Variants in ZNF331 observed in about 807,000 individuals in gnomAD.
ZNF331 encodes the protein C2H2-like zinc finger protein rearranged in thyroid adenomas.
In ZNF331, 2 loss-of-function variants were observed where a neutral mutation model predicts 7.0. The ratio of observed to expected loss-of-function variants is 0.29; its 90% confidence interval spans 0.12 to 0.90. ZNF331 has a LOEUF of 0.90. Among genes scored for constraint, ZNF331 ranks in the 40% least tolerant of loss-of-function variants. The probability of loss-of-function intolerance (pLI) is 0.58; values close to 1 mark genes in which losing one functional copy is unlikely to be tolerated. For missense variants in ZNF331, 432 were observed against 587.7 expected (o/e 0.74, Z 2.74); for synonymous variants, 196 against 205.4 (o/e 0.95, Z 0.39).
rs889027812 is a variant in ZNF331, at chr19:53,558,996, A to G, written c.-74+3088A>G. ...ACACACATATACACACACATACCCC[A>G]TATATACACACATATACATACCTAC... On this transcript the variant is annotated intron_variant, in intron 3 of 5. Coordinates refer to ENST00000449416, the MANE Select transcript of ZNF331 (RefSeq NM_001079906.2). The surrounding 1 kb of genome is among the most constrained non-coding windows in gnomAD (Gnocchi z 4.5). Among the ~76,000 whole-genome samples, 3 of 151,428 alleles carry G rather than the reference A, an allele frequency of 2.0e-5. No homozygotes were observed. Among genetic ancestry groups the G allele is most frequent in the Non-Finnish European group, 4.4e-5 (3 of 67,776 alleles).
chr19:53,558,196 A>G lies in ZNF331; in HGVS notation c.-74+2288A>G, dbSNP rs891346287. On this transcript the variant is annotated intron_variant, in intron 3 of 5. Transcript: ENST00000449416. This position sits in a 1 kb window ranked among gnomAD's most constrained non-coding sequence, Gnocchi z 4.5. ...GTTCTTATACTCTTTGGCTTCTATT[A>G]GTGTATTTGATTGACTCAGAATTCA... Among the ~76,000 whole-genome samples, 8 of 152,136 alleles carry G rather than the reference A, an allele frequency of 5.3e-5. No homozygotes were observed. The highest frequency in any genetic ancestry group is 1.0e-4 in the Non-Finnish European group (7 of 68,020).
intron 1 of ZNF331, chr19:53,522,481 C>G (rs2087124446): frequency 6.6e-6 from 1 of 152,032 alleles, no homozygotes; most frequent in Admixed American, 6.6e-5. Context: ...ATGATCCGCC[C>G]CCGTCGGCTT....
intron 3 of ZNF331, among the ~76,000 whole-genome samples, chr19:53,568,444 A>G (rs920277990): frequency 6.6e-6 from 1 of 152,160 alleles, no homozygotes; most frequent in Non-Finnish European, 1.5e-5. Flanking sequence ...GCATGTAGAC[A>G]TGATTGACTG....
At chr19:53,547,764 C>G (rs997662310) in intron 2 of ZNF331, among the ~76,000 whole-genome samples, 1 of 151,894 alleles carries the variant, frequency 6.6e-6, no homozygotes, top group Non-Finnish European at 1.5e-5. Flanking sequence ...TTTTTGTTGC[C>G]CTGAATAATA....
the ZNF331 span, among the ~76,000 whole-genome samples, chr19:53,507,722 G>C: frequency 2.6e-5 from 4 of 152,156 alleles, no homozygotes; most frequent in African/African-American, 9.7e-5. Flanking sequence ...CTTGGGGCCA[G>C]GTGTGGGGGC....
intron 2 of ZNF331, among the ~76,000 whole-genome samples, chr19:53,554,274 C>T (rs1393831236): frequency 6.6e-6 from 1 of 152,178 alleles, no homozygotes; most frequent in Non-Finnish European, 1.5e-5. Context: ...CATGTGTCAG[C>T]GTCTGTGCAC....
chr19:53,566,564 C>G (rs193186245), intron 3 of ZNF331, among the ~76,000 whole-genome samples: 13 of 152,036 alleles, frequency 8.6e-5, no homozygotes, highest in Admixed American at 7.2e-4. Context: ...TCCGTGTAAA[C>G]CACATTGTTT....
At chr19:53,576,089 A>G (rs2090709649) in intron 5 of ZNF331, among the ~76,000 whole-genome samples, 1 of 151,774 alleles carries the variant, frequency 6.6e-6, no homozygotes. Context: ...GGTTCAAGCA[A>G]TTTCCCTGCC....
At chr19:53,551,520 A>T (rs1421570557) in intron 2 of ZNF331, among the ~76,000 whole-genome samples, 2 of 152,106 alleles carry the variant, frequency 1.3e-5, no homozygotes, top group Non-Finnish European at 1.5e-5. Context: ...CCTCTCATAT[A>T]TTTACACCTT....
At chr19:53,546,002 A>T (rs1469280142) in intron 2 of ZNF331, among the ~76,000 whole-genome samples, 1 of 151,850 alleles carries the variant, frequency 6.6e-6, no homozygotes, top group Non-Finnish European at 1.5e-5. Flanking sequence ...CTCCATTCGG[A>T]TTGGTTTCGG....
At position 53,560,185 on chromosome 19, in the gene ZNF331, A is replaced by G. The variant is rs1350416933; in HGVS notation, c.-74+4277A>G. ...CACACCATATATACACACACCATAC[A>G]CACACATATATACACACACCATATA... On this transcript the variant is annotated intron_variant, in intron 3 of 5. Coordinates refer to ENST00000449416, the MANE Select transcript of ZNF331 (RefSeq NM_001079906.2). The surrounding 1 kb of genome is among the most constrained non-coding windows in gnomAD (Gnocchi z 4.3). 7.3e-6 allele frequency among the ~76,000 whole-genome samples: 1 copy of G among 136,788 alleles called. No individual in the cohort carries two copies. Among genetic ancestry groups the G allele is most frequent in the Non-Finnish European group, 1.7e-5 (1 of 59,190 alleles). 89.7% of individuals were successfully genotyped at this position (136,788 alleles called of 152,430 possible).
upstream of ZNF331, among the ~76,000 whole-genome samples, chr19:53,536,763 C>T (rs2087768409): frequency 6.6e-6 from 1 of 152,050 alleles, no homozygotes. Context: ...ATTAGCCGGG[C>T]GTGGTAGCGC....
intron 3 of ZNF331, among the ~76,000 whole-genome samples, chr19:53,559,808 A>G (rs1285371951): frequency 6.6e-6 from 1 of 151,636 alleles, no homozygotes. Flanking sequence ...ATATACATAT[A>G]TACACACCAT....
In ZNF331 at chr19:53,571,822, A is replaced by C. The variant is rs6509792; in HGVS notation, c.136+92A>C. On this transcript the variant is annotated intron_variant, in intron 5 of 5. Transcript: ENST00000449416. The surrounding 1 kb of genome is among the most constrained non-coding windows in gnomAD (Gnocchi z 4.7). The stretch of plus-strand genomic sequence containing the variant: ...GGACCGCCTTTCAAGAAACTAGTTG[A>C]ATTTCTTCTTCCTGTCCCCAAGGAA... 0.27 allele frequency: 397,899 copies of C among 1,471,206 alleles called. 57,271 individuals carry two copies. Among genetic ancestry groups the C allele is most frequent in the African/African-American group, 0.47 (33,549 of 70,838 alleles). The allele number at this position is 1,471,206 out of a possible 1,614,324, so 91.1% of individuals were successfully genotyped here. A position where few individuals can be genotyped will look rare whatever the true frequency, so the allele number is the denominator to read the frequency against.
intron 2 of ZNF331, among the ~76,000 whole-genome samples, chr19:53,542,477 A>G (rs1467340717): frequency 6.6e-6 from 1 of 152,220 alleles, no homozygotes; most frequent in Non-Finnish European, 1.5e-5. Flanking sequence ...TATGGGCTGT[A>G]TAAGTAACAT....
At chr19:53,524,939 A>G (rs1237772601) in intron 2 of ZNF331, among the ~76,000 whole-genome samples, 1 of 152,126 alleles carries the variant, frequency 6.6e-6, no homozygotes, top group Non-Finnish European at 1.5e-5. Flanking sequence ...ATTAATTTTT[A>G]TATAAGATGT....
chr19:53,551,181 A>T (rs2088985417), intron 2 of ZNF331, among the ~76,000 whole-genome samples: 1 of 152,172 alleles, frequency 6.6e-6, no homozygotes, highest in Non-Finnish European at 1.5e-5. Context: ...TTATAACGGG[A>T]TTAATGCAGG....
chr19:53,545,457 C>G (rs183951148), intron 2 of ZNF331, among the ~76,000 whole-genome samples: 10 of 152,312 alleles, frequency 6.6e-5, no homozygotes, highest in African/African-American at 2.4e-4. Context: ...AGGTGACGCC[C>G]CAGAGGGCCT....
Position 53,558,664 on chromosome 19 carries a change from A to G in ZNF331, c.-74+2756A>G, listed in dbSNP as rs1005010704. On this transcript the variant is annotated intron_variant, in intron 3 of 5. Transcript: ENST00000449416. The surrounding 1 kb of genome is among the most constrained non-coding windows in gnomAD (Gnocchi z 4.5). ...GAGAGTCCTGCTTTGGGCAGGTGAAAGGAGGGCAAGAGAAGATGAGAGAGA... is the reference window on the plus strand; with the variant it reads ...GAGAGTCCTGCTTTGGGCAGGTGAAGGGAGGGCAAGAGAAGATGAGAGAGA... Among the ~76,000 whole-genome samples, 4 of 151,918 alleles carry G rather than the reference A, an allele frequency of 2.6e-5. No homozygotes were observed. Among genetic ancestry groups the G allele is most frequent in the Non-Finnish European group, 5.9e-5 (4 of 67,960 alleles).
Sources: gnomAD v4.1 joint callset for allele counts (sites outside exome capture counted in the v4.1 genomes callset) on GRCh38, gnomAD v4.1.1 for gene constraint, Gnocchi (gnomAD v3.1) non-coding constraint, MANE v1.5 for transcripts, NCBI Gene and HGNC (gene_info 2026-07-23, HGNC 2026-07-21) for gene names.